TP63: variants seen among roughly 807,000 people sequenced by gnomAD.
The protein encoded by TP63 is tumor protein p63, also known as tumor protein 63.
A neutral mutation model predicts 82.8 loss-of-function variants in TP63; 17 were observed. That is an observed-to-expected ratio of 0.21 (90% CI 0.14 to 0.31). The LOEUF (loss-of-function observed/expected upper bound fraction) is 0.31, where lower values mean the gene tolerates loss of function less well. TP63 is among the 10% of genes least tolerant of loss of function. TP63 has a pLI of 1.00. For synonymous variants in TP63, 330 were observed against 321.7 expected, an observed-to-expected ratio of 1.03 and a Z score of -0.28; for missense variants, 648 against 895.3, an observed-to-expected ratio of 0.72 and a Z score of 3.52.
At chr3:189,834,473 G>A (rs2108718806) in intron 4 of TP63, among the ~76,000 whole-genome samples, 3 of 152,228 alleles carry the variant, frequency 2.0e-5, no homozygotes, top group South Asian at 4.1e-4. Flanking sequence ...TACAGTTATG[G>A]ACTCGCGTTT....
chr3:189,806,159 T>C (rs1726879207), intron 3 of TP63, among the ~76,000 whole-genome samples: 1 of 151,424 alleles, frequency 6.6e-6, no homozygotes, highest in African/African-American at 2.4e-5. Flanking sequence ...CCAAAACTTT[T>C]TTCTTCGTTT....
intron 4 of TP63, among the ~76,000 whole-genome samples, chr3:189,830,556 A>G (rs1347011954): frequency 1.3e-5 from 2 of 152,178 alleles, no homozygotes; most frequent in East Asian, 3.9e-4. Context: ...GCTTATCTCA[A>G]ATATATTCAT....
chr3:189,769,399 C>T (rs1305555878), intron 3 of TP63, among the ~76,000 whole-genome samples: 1 of 152,104 alleles, frequency 6.6e-6, no homozygotes, highest in Non-Finnish European at 1.5e-5. Flanking sequence ...AACACTATTA[C>T]AGATGTTCCT....
intron 1 of TP63, among the ~76,000 whole-genome samples, chr3:189,642,803 G>A (rs79626450): frequency 0.013 from 2,052 of 152,108 alleles, 25 homozygotes; most frequent in East Asian, 0.045. Flanking sequence ...TTCTTTAATA[G>A]TAAGTGCCTT....
the TP63 span, among the ~76,000 whole-genome samples, chr3:189,608,303 T>C: frequency 1.3e-5 from 2 of 152,108 alleles, no homozygotes; most frequent in African/African-American, 4.8e-5. Context: ...CATTGGATAA[T>C]GTCTGTGTAA....
At chr3:189,874,019 A>G (rs1241659836) in intron 10 of TP63, among the ~76,000 whole-genome samples, 2 of 152,194 alleles carry the variant, frequency 1.3e-5, no homozygotes, top group African/African-American at 2.4e-5. Context: ...GTTATTTTCT[A>G]TGTTATTAGC....
chr3:189,861,912 AG>A (rs1403981736), intron 4 of TP63, among the ~76,000 whole-genome samples: 1 of 152,206 alleles, frequency 6.6e-6, no homozygotes, highest in African/African-American at 2.4e-5. Context: ...TTTATAAAAT[AG>A]GGATGATAAT....
chr3:189,641,322 C>T lies in TP63; in HGVS notation c.62+9745C>T, dbSNP rs558994323. 1.7e-4 allele frequency among the ~76,000 whole-genome samples: 26 copies of T among 152,052 alleles called. No individual in the cohort carries two copies. The South Asian group carries it at 4.2e-3, about 24-fold the overall frequency. On this transcript the variant is annotated intron_variant, in intron 1 of 13. Coordinates refer to ENST00000264731, the MANE Select transcript of TP63 (RefSeq NM_003722.5). Reference sequence around the variant, plus strand: ...TAAGTGTGAGGTAAAGGAAGATCTTCGAAGCTCAGGTAGAAATATAAATGT... The same window carrying T: ...TAAGTGTGAGGTAAAGGAAGATCTTTGAAGCTCAGGTAGAAATATAAATGT...
rs1719943475 is a variant in TP63 at position 189,728,675 on chromosome 3, G to C, written c.63-9065G>C. Among the ~76,000 whole-genome samples, 3 of 152,170 alleles carry C rather than the reference G, an allele frequency of 2.0e-5. No homozygotes were observed. The South Asian group carries it at 6.2e-4, about 32-fold the overall frequency. ...CACTCACAGTTGTGCATGGCTGGGG[G>C]AGGCCTCAGGAAACTTACAAAATGG... On this transcript the variant is annotated intron_variant, in intron 1 of 13. Transcript: ENST00000264731.
intron 4 of TP63, among the ~76,000 whole-genome samples, chr3:189,855,967 T>G (rs1327585174): frequency 6.6e-6 from 1 of 151,964 alleles, no homozygotes; most frequent in Non-Finnish European, 1.5e-5. Context: ...TACCTTCACA[T>G]AGAAGGTTTG....
chr3:189,655,007 T>G (rs1459245252), intron 1 of TP63, among the ~76,000 whole-genome samples: 1 of 152,182 alleles, frequency 6.6e-6, no homozygotes, highest in Non-Finnish European at 1.5e-5. Context: ...CAGTGACTAC[T>G]GCAGTGCTGT....
chr3:189,822,055 C>T (rs1160346548), intron 4 of TP63, among the ~76,000 whole-genome samples: 1 of 152,136 alleles, frequency 6.6e-6, no homozygotes, highest in Admixed American at 6.5e-5. Context: ...TTCTCTCTAG[C>T]TGTATGGTGT....
chr3:189,652,422 AT>A (rs1471155276), intron 1 of TP63, among the ~76,000 whole-genome samples: 1 of 147,044 alleles, frequency 6.8e-6, no homozygotes, highest in Non-Finnish European at 1.5e-5. Context: ...CCCATTTGAA[AT>A]GGGTGTATTT....
At chr3:189,664,149 T>C (rs1470216637) in intron 1 of TP63, among the ~76,000 whole-genome samples, 1 of 151,948 alleles carries the variant, frequency 6.6e-6, no homozygotes, top group Non-Finnish European at 1.5e-5. Flanking sequence ...TCATCTTTCC[T>C]ATCCCCCCAA....
In TP63 at chr3:189,889,571, T is replaced by C. The variant is rs35607757; in HGVS notation, c.1652+87T>C. ...GATACTGTTATAGTCCATAAAACAG[T>C]TGGAAGGGAAGACAGCAGTCCTGTG... is the stretch of plus-strand genomic sequence containing the variant. On this transcript the variant is annotated intron_variant, in intron 12 of 13. Transcript: ENST00000264731. 5.4e-4 allele frequency: 849 copies of C among 1,579,394 alleles called. 6 individuals are homozygous for C. The highest frequency in any genetic ancestry group is 4.2e-3 in the Middle Eastern group (25 of 5,976).
Position 189,710,632 on chromosome 3 carries a change from C to T in TP63, c.63-27108C>T, listed in dbSNP as rs944223197. Among the ~76,000 whole-genome samples the T allele has an allele frequency of 3.3e-5, 5 of 152,068 alleles. No homozygotes were observed. The East Asian group carries it at 5.8e-4, about 18-fold the overall frequency. ...GCTAAAGATGCGTTAAAGTGCATGA[C>T]CTATACTGCAATTTCTCTACATAGT... On this transcript the variant is annotated intron_variant, in intron 1 of 13. Coordinates refer to ENST00000264731, the MANE Select transcript of TP63 (RefSeq NM_003722.5).
upstream of TP63, among the ~76,000 whole-genome samples, chr3:189,629,425 T>G (rs970207472): frequency 6.6e-6 from 1 of 150,654 alleles, no homozygotes; most frequent in Non-Finnish European, 1.5e-5. Context: ...AAAACAAAAA[T>G]TAATTAAATT....
chr3:189,847,456 G>A (rs1715038756), intron 4 of TP63, among the ~76,000 whole-genome samples: 1 of 152,208 alleles, frequency 6.6e-6, no homozygotes, highest in African/African-American at 2.4e-5. Flanking sequence ...ATTAGCTCAA[G>A]ATTTGGGGGG....
chr3:189,867,134 A>G (rs1487315873), intron 6 of TP63, among the ~76,000 whole-genome samples: 1 of 152,180 alleles, frequency 6.6e-6, no homozygotes, highest in Non-Finnish European at 1.5e-5. Context: ...ATAGTAGTGG[A>G]TGCAAGTGTT....
Sources: gnomAD v4.1 joint callset for allele counts (sites outside exome capture counted in the v4.1 genomes callset) on GRCh38, gnomAD v4.1.1 for gene constraint, MANE v1.5 for transcripts, NCBI Gene and HGNC (gene_info 2026-07-23, HGNC 2026-07-21) for gene names.